Variants in RGS3 observed in about 807,000 individuals in gnomAD.
RGS3 encodes the protein regulator of G-protein signalling 3.
In RGS3, 80 loss-of-function variants were observed where a neutral mutation model predicts 132.6. The observed-to-expected ratio is 0.60, with a 90% CI of 0.50 to 0.73. RGS3 has a LOEUF of 0.73. Ranked by LOEUF, RGS3 falls within the 30% of genes least tolerant of loss-of-function variation. The pLI, the probability that RGS3 is intolerant of heterozygous loss-of-function variation, is 0.00. For synonymous variants in RGS3, 598 were observed against 620.6 expected (o/e 0.96, Z 0.54); for missense variants, 1,382 against 1,530.8 (o/e 0.90, Z 1.62).
At chr9:113,492,339 T>C (rs1027166900) in intron 7 of RGS3, among the ~76,000 whole-genome samples, 1 of 152,166 alleles carries the variant, frequency 6.6e-6, no homozygotes, top group African/African-American at 2.4e-5. Context: ...TAGGTCTTCT[T>C]CCAGCCTGTG....
At chr9:113,475,465 G>A (rs527901944) in intron 3 of RGS3, among the ~76,000 whole-genome samples, 4 of 152,246 alleles carry the variant, frequency 2.6e-5, no homozygotes, top group Admixed American at 6.5e-5. Flanking sequence ...GAGTACAGTC[G>A]TGCAATCATA....
rs551402900 is a variant in RGS3 at position 113,533,090 on chromosome 9, A to C, written c.1915-3706A>C. On this transcript the variant is annotated intron_variant, in intron 18 of 24. Transcript: ENST00000350696. Reference sequence around the variant, plus strand: ...GCTTTGAGCTGGAGCTCTGCTCCTCATTGGCGATGAGACTCAGGGAGGTCC... The same window carrying C: ...GCTTTGAGCTGGAGCTCTGCTCCTCCTTGGCGATGAGACTCAGGGAGGTCC... Among the ~76,000 whole-genome samples the C allele has an allele frequency of 2.6e-5, 4 of 152,284 alleles. No homozygotes were observed. The East Asian group carries it at 7.7e-4, about 29-fold the overall frequency.
intron 19 of RGS3, among the ~76,000 whole-genome samples, chr9:113,568,063 G>A (rs1039103967): frequency 6.6e-6 from 1 of 152,212 alleles, no homozygotes; most frequent in Non-Finnish European, 1.5e-5. Context: ...ATGTAAAACC[G>A]CAATTACTTT....
intron 7 of RGS3, 136 bp from the exon 6 acceptor site, chr9:113,495,650 G>T: frequency 2.7e-6 from 2 of 737,128 alleles, no homozygotes; most frequent in East Asian, 2.5e-5. Context: ...AGAGTCAGAA[G>T]GATCAAACGA....
At chr9:113,575,478 C>T (rs374669308) in intron 19 of RGS3, among the ~76,000 whole-genome samples, 1 of 152,108 alleles carries the variant, frequency 6.6e-6, no homozygotes, top group African/African-American at 2.4e-5. Flanking sequence ...GTTTAGGGAA[C>T]GTGAATGGGC....
intron 1 of RGS3, among the ~76,000 whole-genome samples, chr9:113,448,624 C>G (rs1319979549): frequency 6.6e-6 from 1 of 152,206 alleles, no homozygotes; most frequent in Non-Finnish European, 1.5e-5. Flanking sequence ...TTGCCACCCT[C>G]TACTGCCAGA....
intron 19 of RGS3, among the ~76,000 whole-genome samples, chr9:113,567,057 G>A (rs968125725): frequency 6.6e-6 from 1 of 152,284 alleles, no homozygotes; most frequent in South Asian, 2.1e-4. Context: ...TTGTGAGGAT[G>A]AGGCAGTTGA....
intron 19 of RGS3, among the ~76,000 whole-genome samples, chr9:113,563,076 C>T (rs1588255052): frequency 6.6e-6 from 1 of 152,360 alleles, no homozygotes; most frequent in South Asian, 2.1e-4. Context: ...CCTGGCCTGG[C>T]AGGCTCTGGG....
At chr9:113,573,726 A>G (rs945332238) in intron 19 of RGS3, among the ~76,000 whole-genome samples, 4 of 152,160 alleles carry the variant, frequency 2.6e-5, no homozygotes, top group Admixed American at 2.0e-4. Context: ...TGCCCCTCCC[A>G]ACACCAGGTG....
chr9:113,593,301 C>T (rs549370311), intron 21 of RGS3, among the ~76,000 whole-genome samples: 5 of 152,298 alleles, frequency 3.3e-5, no homozygotes, highest in African/African-American at 7.2e-5. Context: ...TCAAACTTAC[C>T]AAACCCCCTT....
At chr9:113,512,343 G>A (rs1184800547) in intron 14 of RGS3, among the ~76,000 whole-genome samples, 1 of 152,162 alleles carries the variant, frequency 6.6e-6, no homozygotes, top group African/African-American at 2.4e-5. Context: ...CATCTTCCTT[G>A]TATCTGTTCC....
intron 10 of RGS3, among the ~76,000 whole-genome samples, chr9:113,503,730 G>T (rs1831013059): frequency 6.6e-6 from 1 of 152,156 alleles, no homozygotes; most frequent in African/African-American, 2.4e-5. Context: ...ATAGGCTTTG[G>T]GACCCCAGCT....
chr9:113,457,777 AT>A (rs1207564953), upstream of RGS3, among the ~76,000 whole-genome samples: 5 of 151,748 alleles, frequency 3.3e-5, no homozygotes, highest in Admixed American at 6.6e-5. Context: ...GGTGGGCCAG[AT>A]TTTTTTTTCT....
chr9:113,516,484 A>G (rs1030816809), intron 15 of RGS3, among the ~76,000 whole-genome samples: 3 of 151,818 alleles, frequency 2.0e-5, no homozygotes, highest in African/African-American at 7.3e-5. Context: ...TAGCCTCCCA[A>G]GTAGCTGGGA....
At position 113,463,660 on chromosome 9, in the gene RGS3, C is replaced by T. The variant is rs1829528777; in HGVS notation, c.415+1459C>T. The T allele has an allele frequency of 7.9e-6, 11 of 1,388,088 alleles. No homozygotes were observed. The highest frequency in any genetic ancestry group is 8.4e-6 in the Non-Finnish European group (9 of 1,074,646). The allele number at this position is 1,388,088 out of a possible 1,614,324, so 86.0% of individuals were successfully genotyped here. A position where few individuals can be genotyped will look rare whatever the true frequency, so the allele number is the denominator to read the frequency against. The stretch of plus-strand genomic sequence containing the variant: ...TCAAACCCGCGCGGGCCAATCAGGG[C>T]CGGGCGCGCCCTGGCCGTTCCAACG... On this transcript the variant is annotated intron_variant, in intron 3 of 24. Coordinates refer to ENST00000350696, the Ensembl canonical transcript of RGS3. This position sits in a 1 kb window ranked among gnomAD's most constrained non-coding sequence, Gnocchi z 4.6.
rs1829491401 is a variant in RGS3, at chr9:113,462,203, T to G, written c.415+2T>G. Reference sequence around the variant, plus strand: ...CGCATGCCAAAGTCCAGGGTGCAGGTAAGTCCATCTGTCACTGGCTTGAGG... The same window carrying G: ...CGCATGCCAAAGTCCAGGGTGCAGGGAAGTCCATCTGTCACTGGCTTGAGG... On this transcript the variant is annotated splice_donor_variant, in intron 3 of 24. Transcript: ENST00000350696. LOFTEE classifies it high-confidence loss of function. 25 of 1,610,032 alleles carry G rather than the reference T, an allele frequency of 1.6e-5. No homozygotes were observed. The highest frequency in any genetic ancestry group is 2.0e-5 in the Non-Finnish European group (24 of 1,178,620).
chr9:113,563,396 A>C (rs1833869732), intron 19 of RGS3, among the ~76,000 whole-genome samples: 1 of 151,674 alleles, frequency 6.6e-6, no homozygotes, highest in Admixed American at 6.6e-5. Context: ...AGAAGGTGAC[A>C]ACTCAGCTGA....
At chr9:113,484,386 CTT>C (rs1034822270) in intron 6 of RGS3, among the ~76,000 whole-genome samples, 154 bp downstream of exon 4, 1 of 147,282 alleles carries the variant, frequency 6.8e-6, no homozygotes, top group African/African-American at 2.5e-5. Context: ...TAAAGGATGT[CTT>C]TGTTTTCTCA....
At chr9:113,465,564 A>G (rs906921263) in intron 3 of RGS3, among the ~76,000 whole-genome samples, 2 of 151,420 alleles carry the variant, frequency 1.3e-5, no homozygotes, top group Admixed American at 6.6e-5. Flanking sequence ...TGTTTTCCTT[A>G]GTGGCCTGAT....
Sources: gnomAD v4.1 joint callset for allele counts (sites outside exome capture counted in the v4.1 genomes callset) on GRCh38, gnomAD v4.1.1 for gene constraint, Gnocchi (gnomAD v3.1) non-coding constraint, MANE v1.5 for transcripts, NCBI Gene and HGNC (gene_info 2026-07-23, HGNC 2026-07-21) for gene names.